ADCY7: variants seen among roughly 807,000 people sequenced by gnomAD.
ADCY7 encodes the protein adenylate cyclase 7.
In ADCY7, 72 loss-of-function variants were observed where a neutral mutation model predicts 120.6. That is an observed-to-expected ratio of 0.60 (90% CI 0.49 to 0.73). The LOEUF (loss-of-function observed/expected upper bound fraction) is 0.73. ADCY7 is among the 30% of genes least tolerant of loss of function. ADCY7 has a pLI of 0.00. For missense variants in ADCY7, 1,227 were observed against 1,486.0 expected (o/e 0.83, Z 2.87); for synonymous variants, 661 against 628.0 (o/e 1.05, Z -0.78).
At chr16:50,295,694 G>A (rs1006586188) in intron 7 of ADCY7, among the ~76,000 whole-genome samples, 21 of 152,094 alleles carry the variant, frequency 1.4e-4, no homozygotes, top group African/African-American at 5.1e-4. Context: ...GGGCTGAGGC[G>A]AGGACCAGGA....
chr16:50,291,663 G>T, intron 3 of ADCY7, 73 bp from the exon 4 acceptor site: 1 of 1,589,402 alleles, frequency 6.3e-7, no homozygotes, highest in Non-Finnish European at 8.6e-7. Context: ...GGCTGCTGTG[G>T]TGCAGGGTTC....
At chr16:50,252,226 C>A (rs1203208975) in intron 1 of ADCY7, among the ~76,000 whole-genome samples, 1 of 152,188 alleles carries the variant, frequency 6.6e-6, no homozygotes, top group Admixed American at 6.5e-5. Flanking sequence ...AGACCACCTT[C>A]CTGGAGGGTG....
chr16:50,257,984 A>T (rs1382932785), intron 1 of ADCY7, among the ~76,000 whole-genome samples: 14 of 152,074 alleles, frequency 9.2e-5, no homozygotes, highest in Non-Finnish European at 1.8e-4. Flanking sequence ...GACTCAAGTG[A>T]TACGCTTGCC....
At chr16:50,271,031 G>A (rs533514516) in intron 1 of ADCY7, among the ~76,000 whole-genome samples, 6 of 152,340 alleles carry the variant, frequency 3.9e-5, no homozygotes, top group African/African-American at 1.2e-4. Flanking sequence ...GCCACATCAT[G>A]GCTAGGGCAT....
Position 50,308,733 on chromosome 16 carries a change from A to AG in ADCY7, c.2004dup (p.Leu669AlafsTer34). 1.2e-6 allele frequency: 2 copies of AG among 1,613,534 alleles called. No individual in the cohort carries two copies. Among genetic ancestry groups the AG allele is most frequent in the Non-Finnish European group, 1.7e-6 (2 of 1,179,958 alleles). ...GAGGGTGGAGACACAGCCCCTGCTGAGGCTGACCCTGGCCGTCCTGACCAT... is the reference window on the plus strand; with the variant it reads ...GAGGGTGGAGACACAGCCCCTGCTGAGGGCTGACCCTGGCCGTCCTGACCAT... On this transcript the variant is annotated frameshift_variant, in exon 17 of 26. Transcript: ENST00000673801. LOFTEE classifies it high-confidence loss of function.
intron 24 of ADCY7, 70 bp downstream of exon 24, chr16:50,314,476 C>A: frequency 8.9e-7 from 1 of 1,121,396 alleles, no homozygotes; most frequent in Non-Finnish European, 1.3e-6. Flanking sequence ...CTGTGTGGCA[C>A]AGCTGCACCT....
rs1285122705 is a variant in ADCY7 at position 50,288,333 on chromosome 16, A to G, written c.154A>G (p.Ile52Val). 6.5e-7 allele frequency: 1 copy of G among 1,548,478 alleles called. No individual in the cohort carries two copies. ...CACTGCCTGCGTGGCCCTCATCATC[A>G]TTGCCTTCAGCCAGGGGGTGAGTGA... ...AATACVALII[I>V]AFSQGDPSRH... Residue 52 changes from isoleucine (I) to valine (V), a missense_variant, in exon 2 of 26, where the codon ATT (isoleucine) becomes GTT (valine). Physicochemically the swap from Ile to Val is conservative, Grantham distance 29. Transcript: ENST00000673801.
In ADCY7 at chr16:50,305,614, C is replaced by T. The variant is rs11861597; in HGVS notation, c.1679+28C>T. On this transcript the variant is annotated intron_variant, in intron 13 of 25. Transcript: ENST00000673801. ...GAGGTCTGAGACCTCTGTCCACCCC[C>T]CTCTCCTCTCCCCCTCGGATAGGGG... 9.9e-4 allele frequency: 1,554 copies of T among 1,571,706 alleles called. 22 individuals are homozygous for T. In the African/African-American group the frequency reaches 0.019, roughly 19 times the overall value.
rs56767684 is a variant in ADCY7, at chr16:50,258,796, C to T, written c.-64+12593C>T. 9.5e-4 allele frequency among the ~76,000 whole-genome samples: 144 copies of T among 152,050 alleles called. No homozygotes were observed. The East Asian group carries it at 0.016, about 17-fold the overall frequency. ...GAGATGAGGTTTCACTCTGTTGCGCCGGCTGGTCTTGAACTCCTGGGCTCA... is the reference window on the plus strand; with the variant it reads ...GAGATGAGGTTTCACTCTGTTGCGCTGGCTGGTCTTGAACTCCTGGGCTCA... On this transcript the variant is annotated intron_variant, in intron 1 of 4. Transcript: ENST00000564044.
intron 7 of ADCY7, among the ~76,000 whole-genome samples, chr16:50,298,361 C>T (rs912566127): frequency 3.3e-5 from 5 of 152,154 alleles, no homozygotes; most frequent in Non-Finnish European, 7.3e-5. Context: ...CTCGGTTCCT[C>T]GGGGTCTTAG....
Position 50,305,584 on chromosome 16 carries a change from G to C in ADCY7, c.1677G>C (p.Thr559=). 1 of 1,598,504 alleles carries C rather than the reference G, an allele frequency of 6.3e-7. No homozygotes were observed. The change falls in exon 13 of 26, where the codon ACG becomes ACC. Residue 559 remains threonine, a splice_region_variant and synonymous_variant. Transcript: ENST00000673801. ...CAGCCATTGAGGGGCTCAGCTCCAC[G>C]AGGTGAGGTCTGAGACCTCTGTCCA... is the stretch of plus-strand genomic sequence containing the variant. ...MLSAIEGLSS[T]RPCCSKSDDF... is the part of the protein sequence containing the mutation.
Position 50,293,512 on chromosome 16 carries a change from G to T in ADCY7, c.836+10G>T, listed in dbSNP as rs756992152. ...GGCACCAGAATGTCAGGTGGGCGGTGAGACGTGTGATTAGCATATCCCGGG... is the reference window on the plus strand; with the variant it reads ...GGCACCAGAATGTCAGGTGGGCGGTTAGACGTGTGATTAGCATATCCCGGG... On this transcript the variant is annotated intron_variant, in intron 6 of 25. Transcript: ENST00000673801. The T allele has an allele frequency of 6.2e-7, 1 of 1,613,304 alleles. No individual in the cohort carries two copies. The highest frequency in any genetic ancestry group is 2.2e-5 in the East Asian group (1 of 44,872).
intron 1 of ADCY7, among the ~76,000 whole-genome samples, chr16:50,253,358 C>T (rs1200369978): frequency 1.3e-5 from 2 of 152,202 alleles, no homozygotes; most frequent in Non-Finnish European, 2.9e-5. Context: ...TCAGATGATT[C>T]TCCTGTCTCA....
At chr16:50,281,385 A>AGGCAGGTAAGGCAGGTGC (rs1567544435) in intron 1 of ADCY7, among the ~76,000 whole-genome samples, 3 of 151,032 alleles carry the variant, frequency 2.0e-5, no homozygotes, top group African/African-American at 7.3e-5. Context: ...GTGGCAGGTA[A>AGGCAGGTAAGGCAGGTGC]GGCAGGTGCG....
chr16:50,293,312 C>A (rs373235101), intron 5 of ADCY7, 42 bp from the exon 6 acceptor site: 6 of 1,597,954 alleles, frequency 3.8e-6, no homozygotes, highest in Non-Finnish European at 5.1e-6. Context: ...CTCCGCCGGT[C>A]GCTTTGCTGG....
At chr16:50,311,401 G>A (rs983837361) in intron 19 of ADCY7, among the ~76,000 whole-genome samples, 2 of 151,882 alleles carry the variant, frequency 1.3e-5, no homozygotes, top group Non-Finnish European at 2.9e-5. Context: ...ACCCCACCCC[G>A]CCTGCCACTG....
intron 1 of ADCY7, among the ~76,000 whole-genome samples, chr16:50,259,122 A>G (rs79636620): frequency 0.14 from 20,621 of 152,262 alleles, 1,711 homozygotes; most frequent in South Asian, 0.34. Flanking sequence ...GATAAATATT[A>G]AAATAAAACT....
At chr16:50,285,464 G>T (rs561722424) in intron 1 of ADCY7, among the ~76,000 whole-genome samples, 1 of 152,392 alleles carries the variant, frequency 6.6e-6, no homozygotes, top group South Asian at 2.1e-4. Context: ...GGTGCTGGTT[G>T]GGGACTTGGG....
intron 1 of ADCY7, among the ~76,000 whole-genome samples, chr16:50,258,229 C>A (rs2032969187): frequency 6.6e-6 from 1 of 152,088 alleles, no homozygotes; most frequent in Admixed American, 6.5e-5. Context: ...GAGAGAGCCC[C>A]TGTCTCTTTA....
Sources: gnomAD v4.1 joint callset for allele counts (sites outside exome capture counted in the v4.1 genomes callset) on GRCh38, gnomAD v4.1.1 for gene constraint, MANE v1.5 for transcripts, NCBI Gene and HGNC (gene_info 2026-07-23, HGNC 2026-07-21) for gene names.